CDK12: variants seen among roughly 807,000 people sequenced by gnomAD.
CDK12 encodes cyclin dependent kinase 12, also known as cyclin-dependent kinase 12.
CDK12 carries 17 observed loss-of-function variants against 133.8 expected under a neutral mutation model. That is an observed-to-expected ratio of 0.13 (90% CI 0.09 to 0.19). The LOEUF (loss-of-function observed/expected upper bound fraction) is 0.19, where lower values mean the gene tolerates loss of function less well. CDK12 is among the 10% of genes least tolerant of loss of function. CDK12 has a pLI of 1.00. For synonymous variants in CDK12, 694 were observed against 683.6 expected (o/e 1.02, Z -0.24); for missense variants, 1,508 against 1,818.7 (o/e 0.83, Z 3.11).
intron 2 of CDK12, among the ~76,000 whole-genome samples, chr17:39,553,643 G>A (rs1196533420): frequency 6.6e-6 from 1 of 152,202 alleles, no homozygotes; most frequent in Non-Finnish European, 1.5e-5. Context: ...TGTCTATGTT[G>A]TGGATTCCTA....
chr17:39,548,677 G>A (rs1010460371), upstream of CDK12, among the ~76,000 whole-genome samples: 3 of 152,198 alleles, frequency 2.0e-5, no homozygotes, highest in East Asian at 5.8e-4. Flanking sequence ...AGGGCCCTGA[G>A]CCAAAAATGG....
intron 8 of CDK12, among the ~76,000 whole-genome samples, chr17:39,514,781 T>C (rs1222093741): frequency 6.6e-6 from 1 of 152,246 alleles, no homozygotes; most frequent in South Asian, 2.1e-4. Flanking sequence ...TATTTTGATA[T>C]GTTTTGACAT....
At position 39,533,031 on chromosome 17, in the gene CDK12, T is replaced by C. The variant is rs558061981; in HGVS notation, c.*1715T>C. The C allele has an allele frequency of 1.0e-3, 242 of 232,518 alleles. No individual in the cohort carries two copies. Among genetic ancestry groups the C allele is most frequent in the Non-Finnish European group, 1.7e-3 (200 of 117,720 alleles). 14.4% of individuals were successfully genotyped at this position (232,518 alleles called of 1,614,324 possible). On this transcript the variant is annotated 3_prime_UTR_variant, in exon 14 of 14. Coordinates refer to ENST00000447079, the MANE Select transcript of CDK12 (RefSeq NM_016507.4). ...TTCATGTTTCAATGCCAAGTTCTTA[T>C]TTTAAAAAATAAAATCTACTTATAA...
downstream of CDK12, among the ~76,000 whole-genome samples, chr17:39,537,553 A>T (rs1275485449): frequency 7.3e-6 from 1 of 136,218 alleles, no homozygotes; most frequent in African/African-American, 2.8e-5. Flanking sequence ...ATTTTTATTT[A>T]TTTATTTATT....
chr17:39,535,679 C>G (rs1015109321), downstream of CDK12, among the ~76,000 whole-genome samples: 8 of 152,176 alleles, frequency 5.3e-5, no homozygotes, highest in African/African-American at 1.9e-4. Flanking sequence ...CCATGCTGTT[C>G]AGTACCTCAA....
chr17:39,487,236 G>A (rs540101634), intron 2 of CDK12, among the ~76,000 whole-genome samples: 3 of 152,220 alleles, frequency 2.0e-5, no homozygotes, highest in African/African-American at 7.2e-5. Context: ...TGATTTACAA[G>A]GGATTAAAAC....
chr17:39,481,260 AAAAAG>A (rs1228212242), intron 2 of CDK12, among the ~76,000 whole-genome samples: 1 of 84,096 alleles, frequency 1.2e-5, no homozygotes, highest in Non-Finnish European at 3.1e-5. Context: ...TCTCAAAAAA[AAAAAG>A]AAAAAAAAAA....
chr17:39,530,037 G>A (rs1476332456), intron 13 of CDK12: 1 of 152,216 alleles, frequency 6.6e-6, no homozygotes, highest in Non-Finnish European at 1.5e-5. Context: ...GGAGAAGCAA[G>A]TGTATTTTTA....
At chr17:39,501,668 T>C (rs2052725961) in intron 6 of CDK12, among the ~76,000 whole-genome samples, 2 of 152,224 alleles carry the variant, frequency 1.3e-5, no homozygotes, top group African/African-American at 2.4e-5. Context: ...CAGTTGGTGA[T>C]TGGCCTTTTC....
downstream of CDK12, chr17:39,566,837 A>G (rs1023780947): frequency 6.6e-6 from 1 of 152,274 alleles, no homozygotes; most frequent in African/African-American, 2.4e-5. Context: ...TGAGACCCAG[A>G]CCCCAGCCCC....
intron 1 of CDK12, among the ~76,000 whole-genome samples, chr17:39,465,098 TAG>T (rs1252172349): frequency 2.0e-5 from 3 of 151,806 alleles, no homozygotes; most frequent in African/African-American, 7.3e-5. Context: ...TATAAAAAAT[TAG>T]TTGGGTGTGG....
At chr17:39,476,701 C>T (rs1383397672) in intron 2 of CDK12, among the ~76,000 whole-genome samples, 1 of 103,814 alleles carries the variant, frequency 9.6e-6, no homozygotes, top group Non-Finnish European at 2.0e-5. Context: ...GCATGAGCCA[C>T]CATGCCTGCC....
At position 39,526,108 on chromosome 17, in the gene CDK12, T is replaced by C; in HGVS notation, c.3552T>C (p.Ser1184=). 2 of 1,614,208 alleles carry C rather than the reference T, an allele frequency of 1.2e-6. No homozygotes were observed. Residue 1184 remains serine (S), a synonymous_variant, in exon 13 of 14, where the codon TCT becomes TCC. Transcript: ENST00000447079. ...APEESLKEAP[S]APVILPSAEQ... is the part of the protein sequence containing the mutation. ...AGGAGTCTTTGAAGGAAGCACCCTCTGCCCCAGTGATCCTGCCTTCAGCAG... is the reference window on the plus strand; with the variant it reads ...AGGAGTCTTTGAAGGAAGCACCCTCCGCCCCAGTGATCCTGCCTTCAGCAG...
In CDK12 at chr17:39,520,033, C is replaced by T. The variant is rs759694702; in HGVS notation, c.3041C>T (p.Thr1014Ile). 1.5e-5 allele frequency: 25 copies of T among 1,613,892 alleles called. No homozygotes were observed. The highest frequency in any genetic ancestry group is 2.2e-5 in the South Asian group (2 of 91,080). The change falls in exon 11 of 14, where the codon ACC becomes ATC. Residue 1014 changes from threonine to isoleucine, a missense_variant. Physicochemically the swap from Thr to Ile is moderately conservative, Grantham distance 89. Around this residue, in one of 9 missense-constraint regions of CDK12, gnomAD observed 399 missense variants for 469.6 expected, o/e 0.85. Coordinates refer to ENST00000447079, the MANE Select transcript of CDK12 (RefSeq NM_016507.4). Reference sequence around the variant, plus strand: ...AGTAAGCGGTGCACAGCTGAACAGACCCTACAGAGCGACTTCCTTAAAGAT... The same window carrying T: ...AGTAAGCGGTGCACAGCTGAACAGATCCTACAGAGCGACTTCCTTAAAGAT... ...DPSKRCTAEQ[T>I]LQSDFLKDVE...
intron 2 of CDK12, among the ~76,000 whole-genome samples, chr17:39,486,510 T>A (rs1290612563): frequency 2.6e-5 from 4 of 151,862 alleles, no homozygotes; most frequent in Admixed American, 2.0e-4. Context: ...CAAGCAATCT[T>A]CCTGCCTTGG....
Position 39,530,981 on chromosome 17 carries a change from C to T in CDK12, c.4138C>T (p.Leu1380=). The change falls in exon 14 of 14, where the codon CTG becomes TTG. Residue 1380 remains leucine, a synonymous_variant. Transcript: ENST00000447079. ...LVKNRTFSGS[L]SHLGESSSYQ... ...GAAGAACAGGACCTTCTCAGGCTCT[C>T]TGAGCCACCTTGGGGAGTCCAGCAG... The T allele has an allele frequency of 6.2e-7, 1 of 1,614,240 alleles. No homozygotes were observed. The highest frequency in any genetic ancestry group is 8.5e-7 in the Non-Finnish European group (1 of 1,180,040).
chr17:39,461,639 A>T lies in CDK12; in HGVS notation c.-433A>T. The T allele has an allele frequency of 3.7e-6, 1 of 271,796 alleles. No individual in the cohort carries two copies. Among genetic ancestry groups the T allele is most frequent in the Admixed American group, 4.7e-5 (1 of 21,396 alleles). The allele number at this position is 271,796 out of a possible 1,614,324, so 16.8% of individuals were successfully genotyped here. A position where few individuals can be genotyped will look rare whatever the true frequency, so the allele number is the denominator to read the frequency against. The stretch of plus-strand genomic sequence containing the variant: ...GCACCTAGGCCGCGGCACCCCGGCG[A>T]CAGGAAGCCGTCCTGAACCGGGCTA... On this transcript the variant is annotated 5_prime_UTR_variant, in exon 1 of 14. Coordinates refer to ENST00000447079, the MANE Select transcript of CDK12 (RefSeq NM_016507.4).
At chr17:39,475,414 G>A (rs1050799870) in intron 2 of CDK12, among the ~76,000 whole-genome samples, 2 of 151,962 alleles carry the variant, frequency 1.3e-5, no homozygotes, top group Non-Finnish European at 2.9e-5. Context: ...TCAAGGCTAC[G>A]GTGAACTATG....
At chr17:39,549,090 G>A, upstream of CDK12, 1 of 152,496 alleles carries the variant, frequency 6.6e-6, no homozygotes, top group Non-Finnish European at 1.5e-5. Flanking sequence ...CCCTGGGTTG[G>A]CAAAACCCCC....
Sources: allele counts gnomAD v4.1 joint callset (sites outside exome capture counted in the v4.1 genomes callset), GRCh38; gene constraint gnomAD v4.1.1; regional missense constraint gnomAD v4.1.1; transcripts MANE v1.5; gene names NCBI Gene and HGNC (gene_info 2026-07-23, HGNC 2026-07-21).